Variants in RFC3 observed in about 807,000 individuals in gnomAD.
The protein encoded by RFC3 is replication factor C subunit 3.
Under a neutral mutation model 45.1 loss-of-function variants are expected in RFC3, and 41 were observed. The observed-to-expected ratio is 0.91, with a 90% CI of 0.71 to 1.18. The LOEUF (loss-of-function observed/expected upper bound fraction) is 1.18, where lower values mean the gene tolerates loss of function less well. Among genes scored for constraint, RFC3 ranks in the 50% most tolerant of loss-of-function variants. The pLI is 0.00. For synonymous variants in RFC3, 149 were observed against 144.0 expected (o/e 1.03, Z -0.25); for missense variants, 423 against 428.1 (o/e 0.99, Z 0.10).
intron 8 of RFC3, among the ~76,000 whole-genome samples, chr13:33,928,813 TGAATGAAGA>T (rs1196013641): frequency 6.6e-6 from 1 of 150,518 alleles, no homozygotes; most frequent in Non-Finnish European, 1.5e-5. Context: ...ATACTGCGTT[TGAATGAAGA>T]GAACCAATGT....
intron 4 of RFC3, among the ~76,000 whole-genome samples, chr13:33,827,213 C>T (rs1255472005): frequency 6.6e-6 from 1 of 152,086 alleles, no homozygotes; most frequent in Non-Finnish European, 1.5e-5. Context: ...TGCTTGAGCC[C>T]AGGAATTCAA....
intron 8 of RFC3, among the ~76,000 whole-genome samples, chr13:33,883,540 G>A (rs2082499613): frequency 6.6e-6 from 1 of 151,916 alleles, no homozygotes; most frequent in African/African-American, 2.4e-5. Context: ...ACTCACACCT[G>A]AAACAATTGG....
chr13:33,873,218 A>G (rs1179300498), intron 8 of RFC3, among the ~76,000 whole-genome samples: 1 of 152,198 alleles, frequency 6.6e-6, no homozygotes, highest in African/African-American at 2.4e-5. Context: ...GCCCAGGGAC[A>G]GTCATTGAGT....
At chr13:33,937,795 G>T (rs2082896584) in intron 8 of RFC3, among the ~76,000 whole-genome samples, 2 of 152,140 alleles carry the variant, frequency 1.3e-5, no homozygotes, top group Admixed American at 1.3e-4. Flanking sequence ...TGAGAGCAAT[G>T]AAATTTCTTC....
At chr13:33,858,551 A>T (rs1055101647) in intron 8 of RFC3, among the ~76,000 whole-genome samples, 13 of 152,190 alleles carry the variant, frequency 8.5e-5, no homozygotes, top group Non-Finnish European at 1.2e-4. Flanking sequence ...TGAAACCCCA[A>T]ATAATCACGT....
At chr13:33,827,755 C>T (rs2082064205) in intron 4 of RFC3, among the ~76,000 whole-genome samples, 2 of 152,100 alleles carry the variant, frequency 1.3e-5, no homozygotes, top group South Asian at 4.1e-4. Flanking sequence ...TATTCTGCTC[C>T]TCTGCTCGTC....
chr13:33,826,711 T>C (rs2082052326), intron 4 of RFC3, among the ~76,000 whole-genome samples: 1 of 152,198 alleles, frequency 6.6e-6, no homozygotes, highest in Non-Finnish European at 1.5e-5. Context: ...TGTTATTAAA[T>C]TCTCTTACTG....
chr13:33,894,312 GAGA>G (rs1260397614), intron 8 of RFC3, among the ~76,000 whole-genome samples: 1 of 152,188 alleles, frequency 6.6e-6, no homozygotes, highest in Non-Finnish European at 1.5e-5. Flanking sequence ...GGGAGTATAT[GAGA>G]AGGAGTGGCA....
At chr13:33,894,748 T>A (rs912220370) in intron 8 of RFC3, among the ~76,000 whole-genome samples, 1 of 152,144 alleles carries the variant, frequency 6.6e-6, no homozygotes, top group Non-Finnish European at 1.5e-5. Flanking sequence ...ATTGCCCAAC[T>A]TCAAATTATA....
chr13:33,903,785 CTTTG>C (rs1457365484), intron 8 of RFC3, among the ~76,000 whole-genome samples: 3 of 152,042 alleles, frequency 2.0e-5, no homozygotes, highest in Non-Finnish European at 2.9e-5. Flanking sequence ...TCTGAAGTCC[CTTTG>C]TTTGGCCCCT....
At chr13:33,938,335 T>A (rs2082901713) in intron 8 of RFC3, among the ~76,000 whole-genome samples, 1 of 152,128 alleles carries the variant, frequency 6.6e-6, no homozygotes, top group South Asian at 2.1e-4. Flanking sequence ...TTTTTAAAAA[T>A]CATAAATATA....
downstream of RFC3, among the ~76,000 whole-genome samples, chr13:33,840,198 C>G (rs1306119569): frequency 6.6e-6 from 1 of 151,978 alleles, no homozygotes; most frequent in Admixed American, 6.6e-5. Flanking sequence ...GAATATTTTT[C>G]TGCCCCTTCC....
intron 8 of RFC3, among the ~76,000 whole-genome samples, chr13:33,859,642 G>A (rs1217279675): frequency 1.3e-5 from 2 of 152,080 alleles, no homozygotes; most frequent in South Asian, 2.1e-4. Context: ...TGAGGAACAT[G>A]AATTATTTTT....
At chr13:33,819,287 G>A (rs1414363694) in intron 1 of RFC3, among the ~76,000 whole-genome samples, 2 of 152,196 alleles carry the variant, frequency 1.3e-5, no homozygotes, top group African/African-American at 4.8e-5. Context: ...TATTTTGTGA[G>A]AACGAACTGA....
At chr13:33,907,511 TTAGTG>T (rs1230960563) in intron 8 of RFC3, among the ~76,000 whole-genome samples, 5 of 152,098 alleles carry the variant, frequency 3.3e-5, no homozygotes, top group Admixed American at 2.6e-4. Context: ...ATACTTTTCT[TTAGTG>T]AAGAAGACAT....
At chr13:33,970,352 C>T (rs772842542), downstream of RFC3, among the ~76,000 whole-genome samples, 3 of 152,054 alleles carry the variant, frequency 2.0e-5, no homozygotes, top group East Asian at 3.9e-4. Flanking sequence ...GCATTTGGGT[C>T]GATTCCATGT....
At chr13:33,900,047 G>A (rs1311069246) in intron 8 of RFC3, among the ~76,000 whole-genome samples, 6 of 151,790 alleles carry the variant, frequency 4.0e-5, no homozygotes, top group African/African-American at 1.4e-4. Context: ...AAAAATGAAA[G>A]CACATTCCAT....
chr13:33,827,190 G>C (rs2082057634), intron 4 of RFC3, among the ~76,000 whole-genome samples: 1 of 152,216 alleles, frequency 6.6e-6, no homozygotes, highest in Non-Finnish European at 1.5e-5. Flanking sequence ...TTGGGAGGCT[G>C]AAGCAGGAGG....
chr13:33,947,741 C>A (rs1214912730), intron 8 of RFC3, among the ~76,000 whole-genome samples: 3 of 152,108 alleles, frequency 2.0e-5, no homozygotes, highest in Non-Finnish European at 4.4e-5. Context: ...GAGGTGGTCT[C>A]AAAAGGTGAT....
Sources: allele counts gnomAD v4.1 joint callset (sites outside exome capture counted in the v4.1 genomes callset), GRCh38; gene constraint gnomAD v4.1.1; transcripts MANE v1.5; gene names NCBI Gene and HGNC (gene_info 2026-07-23, HGNC 2026-07-21).